IQSEC1: variants seen among roughly 807,000 people sequenced by gnomAD.
IQSEC1 encodes IQ motif and Sec7 domain ArfGEF 1, also known as IQ motif and SEC7 domain-containing protein 1.
In IQSEC1, 31 loss-of-function variants were observed where a neutral mutation model predicts 91.0. The ratio of observed to expected loss-of-function variants is 0.34; its 90% confidence interval spans 0.26 to 0.46. IQSEC1 has a LOEUF of 0.46. Ranked by LOEUF, IQSEC1 falls within the 20% of genes least tolerant of loss-of-function variation. The pLI, the probability that IQSEC1 is intolerant of heterozygous loss-of-function variation, is 1.00. For missense variants in IQSEC1, 1,388 were observed against 1,575.6 expected, an observed-to-expected ratio of 0.88 and a Z score of 2.02; for synonymous variants, 699 against 662.6, an observed-to-expected ratio of 1.05 and a Z score of -0.84.
intron 2 of IQSEC1, among the ~76,000 whole-genome samples, chr3:13,115,974 T>C (rs982545238): frequency 3.3e-4 from 50 of 152,174 alleles, no homozygotes; most frequent in African/African-American, 1.2e-3. Context: ...CTATGAAAGT[T>C]TAACCAATTC....
intron 1 of IQSEC1, among the ~76,000 whole-genome samples, chr3:13,056,122 G>A (rs1704871291): frequency 6.6e-6 from 1 of 152,188 alleles, no homozygotes; most frequent in Non-Finnish European, 1.5e-5. Flanking sequence ...TCACCATGTG[G>A]CCCGGAGCCT....
chr3:13,236,053 G>T (rs146503229), intron 1 of IQSEC1, among the ~76,000 whole-genome samples: 1 of 152,084 alleles, frequency 6.6e-6, no homozygotes, highest in African/African-American at 2.4e-5. Context: ...GGGGCCTTAC[G>T]AGATAGATGT....
upstream of IQSEC1, among the ~76,000 whole-genome samples, chr3:13,078,066 G>A (rs1025711900): frequency 1.3e-5 from 2 of 152,218 alleles, no homozygotes; most frequent in Non-Finnish European, 2.9e-5. Flanking sequence ...CTGTGGCCCT[G>A]CAGACACTCC....
At chr3:13,082,496 C>T (rs1462998531) in intron 2 of IQSEC1, among the ~76,000 whole-genome samples, 1 of 152,194 alleles carries the variant, frequency 6.6e-6, no homozygotes, top group African/African-American at 2.4e-5. Flanking sequence ...TCTCTATGGG[C>T]TTTCACACTG....
In IQSEC1 at chr3:12,908,350, G is replaced by T. The variant is rs777535766; in HGVS notation, c.2754C>A (p.Ala918=). ...LSSSLRDLSE[A]GKRGRRSSAG... ...GGTGGTTCTAGGCCAAGCTCTTACC[G>T]GCTTCCGAGAGGTCCCGCAGGGAGC... is the stretch of plus-strand genomic sequence containing the variant. The change falls in exon 12 of 14, where the codon GCC becomes GCA. Residue 918 remains alanine (A), a splice_region_variant and synonymous_variant. Coordinates refer to ENST00000613206, the MANE Select transcript of IQSEC1 (RefSeq NM_001134382.3). The surrounding 1 kb of genome is among the most constrained non-coding windows in gnomAD (Gnocchi z 4.9). 6.2e-7 allele frequency: 1 copy of T among 1,611,394 alleles called. No homozygotes were observed. Among genetic ancestry groups the T allele is most frequent in the South Asian group, 1.1e-5 (1 of 90,984 alleles).
chr3:12,919,793 GGCTGGCACAGA>G (rs1696446390), intron 6 of IQSEC1, among the ~76,000 whole-genome samples: 2 of 152,160 alleles, frequency 1.3e-5, no homozygotes, highest in Non-Finnish European at 2.9e-5. Context: ...GGACACACTG[GGCTGGCACAGA>G]GCCACTTGGG....
In IQSEC1 at chr3:12,992,376, C is replaced by G; in HGVS notation, c.24-50511G>C. On this transcript the variant is annotated intron_variant, in intron 1 of 13. Coordinates refer to ENST00000613206, the MANE Select transcript of IQSEC1 (RefSeq NM_001134382.3). This position sits in a 1 kb window ranked among gnomAD's most constrained non-coding sequence, Gnocchi z 4.1. ...GTGGGAGGAGATGGCACCGCTAAGG[C>G]AATTTCTCTTCTTTCCCCTTAAATC... 6.6e-6 allele frequency among the ~76,000 whole-genome samples: 1 copy of G among 152,050 alleles called. No homozygotes were observed. Among genetic ancestry groups the G allele is most frequent in the Non-Finnish European group, 1.5e-5 (1 of 67,996 alleles).
intron 1 of IQSEC1, among the ~76,000 whole-genome samples, chr3:13,035,165 C>A (rs922553185): frequency 5.3e-5 from 8 of 152,234 alleles, no homozygotes; most frequent in African/African-American, 1.7e-4. Context: ...TGTGAGCCTG[C>A]CCTTGGGGGT....
intron 1 of IQSEC1, among the ~76,000 whole-genome samples, chr3:13,208,232 G>A (rs1307273916): frequency 6.6e-6 from 1 of 150,722 alleles, no homozygotes; most frequent in African/African-American, 2.4e-5. Flanking sequence ...AATGCCTTGG[G>A]AGACACATCC....
intron 1 of IQSEC1, among the ~76,000 whole-genome samples, chr3:13,039,655 C>T (rs1437199660): frequency 6.6e-6 from 1 of 152,196 alleles, no homozygotes; most frequent in Non-Finnish European, 1.5e-5. Context: ...AGCTGAGCAT[C>T]CCCCTTTCCC....
chr3:13,239,279 A>G (rs1367393400), intron 1 of IQSEC1, among the ~76,000 whole-genome samples: 1 of 152,234 alleles, frequency 6.6e-6, no homozygotes, highest in African/African-American at 2.4e-5. Flanking sequence ...GCACAGGCAC[A>G]TAGTGCGGAA....
intron 3 of IQSEC1, among the ~76,000 whole-genome samples, chr3:12,929,686 C>A (rs1275608664): frequency 6.6e-6 from 1 of 152,200 alleles, no homozygotes; most frequent in African/African-American, 2.4e-5. Context: ...TTTGTGTATA[C>A]CCGTTACTCT....
rs1038313578 is a variant in IQSEC1 at position 13,214,877 on chromosome 3, G to A, written c.273-50744C>T. ...GCAGCTGAGCGCCAGGACCGACGTC[G>A]GGCTCTGCTGAGCACTAGCCGAATG... On this transcript the variant is annotated intron_variant, in intron 1 of 15. Coordinates refer to the IQSEC1 transcript ENST00000648114. The surrounding 1 kb of genome is among the most constrained non-coding windows in gnomAD (Gnocchi z 4.5). Among the ~76,000 whole-genome samples the A allele has an allele frequency of 8.5e-5, 13 of 152,214 alleles. No individual in the cohort carries two copies. The highest frequency in any genetic ancestry group is 1.2e-4 in the African/African-American group (5 of 41,448).
chr3:13,189,704 CCT>C (rs57873150), intron 1 of IQSEC1, among the ~76,000 whole-genome samples: 7,583 of 152,272 alleles, frequency 0.05, 229 homozygotes, highest in East Asian at 0.066. Context: ...CAGCTCCACC[CCT>C]GAGCTTCCTG....
At chr3:13,261,778 AC>A in intron 1 of IQSEC1, among the ~76,000 whole-genome samples, 1 of 152,326 alleles carries the variant, frequency 6.6e-6, no homozygotes, top group African/African-American at 2.4e-5. Flanking sequence ...TGAAATTCAC[AC>A]AGCTCAGTTC....
At position 12,899,535 on chromosome 3, in the gene IQSEC1, G is replaced by C. The variant is rs539807301; in HGVS notation, c.*1448C>G. 15 of 1,525,782 alleles carry C rather than the reference G, an allele frequency of 9.8e-6. No individual in the cohort carries two copies. In the African/African-American group the frequency reaches 1.9e-4, roughly 20 times the overall value. The allele number at this position is 1,525,782 out of a possible 1,614,324, so 94.5% of individuals were successfully genotyped here. ...TCACCACAACACAGAAGCGACAAGA[G>C]CACAGCTGAGAGTCATGTGATGCCC... On this transcript the variant is annotated 3_prime_UTR_variant, in exon 14 of 14. Coordinates refer to ENST00000613206, the MANE Select transcript of IQSEC1 (RefSeq NM_001134382.3).
At chr3:13,128,099 G>T (rs550889414) in intron 2 of IQSEC1, among the ~76,000 whole-genome samples, 35 of 152,188 alleles carry the variant, frequency 2.3e-4, no homozygotes, top group African/African-American at 7.7e-4. Context: ...GTAGATAATT[G>T]TGTTATTGAA....
At chr3:13,177,152 C>A (rs506780) in intron 1 of IQSEC1, among the ~76,000 whole-genome samples, 102,661 of 151,602 alleles carry the variant, frequency 0.68, 34,906 homozygotes, top group South Asian at 0.7. Context: ...CTGCGGATAC[C>A]CTAGCAACCA....
chr3:13,197,967 G>A (rs1027860406), intron 1 of IQSEC1, among the ~76,000 whole-genome samples: 9 of 152,178 alleles, frequency 5.9e-5, no homozygotes, highest in East Asian at 1.9e-4. Context: ...TGTGCACAGC[G>A]TGCACCCGGC....
Sources: gnomAD v4.1 joint callset for allele counts (sites outside exome capture counted in the v4.1 genomes callset) on GRCh38, gnomAD v4.1.1 for gene constraint, Gnocchi (gnomAD v3.1) non-coding constraint, MANE v1.5 for transcripts, NCBI Gene and HGNC (gene_info 2026-07-23, HGNC 2026-07-21) for gene names.